The following ARHGAP23 variants were observed in gnomAD, a reference collection of about 807,000 sequenced individuals.
ARHGAP23 encodes rho GTPase-activating protein 23.
In ARHGAP23, 34 loss-of-function variants were observed where a neutral mutation model predicts 136.3. The ratio of observed to expected loss-of-function variants is 0.25; its 90% CI spans 0.19 to 0.33. The LOEUF is 0.33. Among genes scored for constraint, ARHGAP23 ranks in the 10% least tolerant of loss-of-function variants. The pLI is 1.00. For synonymous variants in ARHGAP23, 832 were observed against 920.5 expected (o/e 0.90, Z 1.74); for missense variants, 1,808 against 2,139.0 (o/e 0.85, Z 3.05).
At chr17:38,435,726 G>T (rs1397284081) in intron 1 of ARHGAP23, among the ~76,000 whole-genome samples, 1 of 152,186 alleles carries the variant, frequency 6.6e-6, no homozygotes, top group East Asian at 1.9e-4. Context: ...TGCCTCCCGA[G>T]TAGTTGGGAT....
chr17:38,499,077 C>T (rs2144786451), intron 22 of ARHGAP23: 1 of 663,772 alleles, frequency 1.5e-6, no homozygotes, highest in Non-Finnish European at 2.7e-6. Flanking sequence ...ATGCCAGTTA[C>T]CCCTGCCTGT....
At chr17:38,459,479 A>C (rs994809422) in intron 2 of ARHGAP23, among the ~76,000 whole-genome samples, 1 of 152,148 alleles carries the variant, frequency 6.6e-6, no homozygotes, top group South Asian at 2.1e-4. Context: ...TGGAGGGGGC[A>C]CAGACCCCTA....
chr17:38,443,624 C>T (rs1597753953), intron 1 of ARHGAP23, among the ~76,000 whole-genome samples: 4 of 143,016 alleles, frequency 2.8e-5, no homozygotes, highest in African/African-American at 1.0e-4. Context: ...TGGTTCAGTT[C>T]ATAGGCAGGG....
At chr17:38,463,527 C>T (rs2144630828) in intron 6 of ARHGAP23, 145 bp downstream of exon 6, 2 of 987,902 alleles carry the variant, frequency 2.0e-6, no homozygotes, top group East Asian at 5.2e-5. Flanking sequence ...TGGGCTGGGG[C>T]TGGTTGTTGC....
At chr17:38,428,193 C>G (rs1019282680), upstream of ARHGAP23, among the ~76,000 whole-genome samples, 7 of 152,212 alleles carry the variant, frequency 4.6e-5, no homozygotes, top group African/African-American at 1.4e-4. Context: ...AGAGGCCGGG[C>G]AAGCGTCTCC....
At position 38,479,803 on chromosome 17, in the gene ARHGAP23, TG is replaced by T; in HGVS notation, c.2555del (p.Gly852AlafsTer70). 6.6e-7 allele frequency: 1 copy of T among 1,524,086 alleles called. No homozygotes were observed. Among genetic ancestry groups the T allele is most frequent in the South Asian group, 1.2e-5 (1 of 80,572 alleles). The allele number at this position is 1,524,086 out of a possible 1,614,324, so 94.4% of individuals were successfully genotyped here. A position where few individuals can be genotyped will look rare whatever the true frequency, so the allele number is the denominator to read the frequency against. ...TCCTCCCCCAAAGGCTCTCGCGGCC[TG>T]GGGGGCCTCAAGTCTGAGTTCCTCA... is the stretch of plus-strand genomic sequence containing the variant. ...ADSSPKGSRG[L>X]GGLKSEFLKQ... On this transcript the variant is annotated frameshift_variant, in exon 14 of 24. Transcript: ENST00000622683. LOFTEE classifies it high-confidence loss of function.
At chr17:38,506,673 T>G (rs1446910902) in intron 23 of ARHGAP23, among the ~76,000 whole-genome samples, 1 of 152,158 alleles carries the variant, frequency 6.6e-6, no homozygotes, top group Non-Finnish European at 1.5e-5. Context: ...GCCCAAGCCC[T>G]CTGGTGTCCC....
chr17:38,431,164 C>G (rs375513973), intron 1 of ARHGAP23, among the ~76,000 whole-genome samples: 1 of 152,192 alleles, frequency 6.6e-6, no homozygotes, highest in African/African-American at 2.4e-5. Flanking sequence ...CACCCCAAAT[C>G]CGTGTCCATT....
intron 16 of ARHGAP23, among the ~76,000 whole-genome samples, chr17:38,485,137 C>T (rs2040132030): frequency 6.6e-6 from 1 of 152,136 alleles, no homozygotes; most frequent in South Asian, 2.1e-4. Flanking sequence ...TTCTCAATCT[C>T]AGTGGACATT....
chr17:38,475,446 C>T (rs1408897634), intron 11 of ARHGAP23, among the ~76,000 whole-genome samples: 1 of 152,252 alleles, frequency 6.6e-6, no homozygotes, highest in Non-Finnish European at 1.5e-5. Flanking sequence ...GCTCTGCTGT[C>T]TCCTGCTCTG....
At chr17:38,456,531 A>G (rs2039329760) in intron 1 of ARHGAP23, among the ~76,000 whole-genome samples, 1 of 151,966 alleles carries the variant, frequency 6.6e-6, no homozygotes, top group Non-Finnish European at 1.5e-5. Flanking sequence ...GGGAGTAAGG[A>G]GTGTTGGTGG....
intron 5 of ARHGAP23, 29 bp from the exon 6 acceptor site, chr17:38,463,299 C>A: frequency 6.4e-7 from 1 of 1,551,678 alleles, no homozygotes; most frequent in Non-Finnish European, 8.7e-7. Context: ...GTTCCTTGAC[C>A]CAGCCTGACG....
At chr17:38,493,669 C>T (rs769543534) in intron 20 of ARHGAP23, among the ~76,000 whole-genome samples, 25 of 152,360 alleles carry the variant, frequency 1.6e-4, no homozygotes, top group South Asian at 2.1e-4. Context: ...CTCTGTCTAG[C>T]CTGGAGGCTC....
chr17:38,431,539 C>T (rs1367769788), intron 1 of ARHGAP23, among the ~76,000 whole-genome samples: 4 of 152,150 alleles, frequency 2.6e-5, no homozygotes, highest in African/African-American at 9.7e-5. Flanking sequence ...TCCAGGCCCC[C>T]CTGTTTCTTG....
At chr17:38,481,137 G>A (rs916983584) in intron 14 of ARHGAP23, among the ~76,000 whole-genome samples, 29 of 151,930 alleles carry the variant, frequency 1.9e-4, no homozygotes, top group African/African-American at 6.3e-4. Context: ...CACCACGCCC[G>A]GCTAATTTTT....
In ARHGAP23 at chr17:38,477,934, G is replaced by T; in HGVS notation, c.2436+38G>T. 6.5e-7 allele frequency: 1 copy of T among 1,545,460 alleles called. No individual in the cohort carries two copies. Among genetic ancestry groups the T allele is most frequent in the East Asian group, 2.4e-5 (1 of 40,878 alleles). ...CCAGCCCGGCAGCCACAGAGGGCGG[G>T]CGGGGTGGCCTCTCACCGGCTGTGG... On this transcript the variant is annotated intron_variant, in intron 12 of 23. Transcript: ENST00000622683. This position sits in a 1 kb window ranked among gnomAD's most constrained non-coding sequence, Gnocchi z 6.6.
chr17:38,482,553 C>A lies in ARHGAP23; in HGVS notation c.2782C>A (p.Arg928Ser). ...CCCCTTAATCGTGGCTGCATGCTGT[C>A]GCATTGTGGAGGCACGAGGGCTGGA... ...RVPLIVAACC[R>S]IVEARGLEST... Residue 928 changes from arginine (R) to serine (S), a missense_variant, in exon 16 of 24, where the codon CGC becomes AGC. By Grantham distance (110) the Arg-to-Ser change is moderately radical. Coordinates refer to ENST00000622683, the MANE Select transcript of ARHGAP23 (RefSeq NM_001199417.2). 3.2e-6 allele frequency: 5 copies of A among 1,548,992 alleles called. No homozygotes were observed. Among genetic ancestry groups the A allele is most frequent in the Middle Eastern group, 1.8e-4 (1 of 5,654 alleles).
At chr17:38,479,620 T>A in intron 13 of ARHGAP23, 123 bp downstream of exon 13, 3 of 1,419,976 alleles carry the variant, frequency 2.1e-6, no homozygotes, top group Non-Finnish European at 2.9e-6. Context: ...ATCCAGGGTC[T>A]CCAGGCTGCA....
intron 1 of ARHGAP23, among the ~76,000 whole-genome samples, chr17:38,434,104 C>T (rs1298392582): frequency 1.3e-5 from 2 of 152,078 alleles, no homozygotes; most frequent in African/African-American, 2.4e-5. Flanking sequence ...GGATTACAAG[C>T]GTGAGCCACC....
Sources: gnomAD v4.1 joint callset for allele counts (sites outside exome capture counted in the v4.1 genomes callset) on GRCh38, gnomAD v4.1.1 for gene constraint, Gnocchi (gnomAD v3.1) non-coding constraint, MANE v1.5 for transcripts, NCBI Gene and HGNC (gene_info 2026-07-23, HGNC 2026-07-21) for gene names.